ATP11B: variants seen among roughly 807,000 people sequenced by gnomAD.
ATP11B encodes the protein phospholipid-transporting ATPase IF.
ATP11B carries 81 observed loss-of-function variants against 157.8 expected under a neutral mutation model. The ratio of observed to expected loss-of-function variants is 0.51; its 90% CI spans 0.43 to 0.62. The LOEUF (loss-of-function observed/expected upper bound fraction) is 0.62, where lower values mean the gene tolerates loss of function less well. Ranked by LOEUF, ATP11B falls within the 20% of genes least tolerant of loss-of-function variation. The pLI is 0.00. For synonymous variants in ATP11B, 451 were observed against 469.4 expected, an observed-to-expected ratio of 0.96 and a Z score of 0.51; for missense variants, 1,165 against 1,402.2, an observed-to-expected ratio of 0.83 and a Z score of 2.70.
chr3:182,851,373 C>A (rs879204449), intron 10 of ATP11B, among the ~76,000 whole-genome samples: 1 of 151,980 alleles, frequency 6.6e-6, no homozygotes, highest in African/African-American at 2.4e-5. Flanking sequence ...TTTCTCTTTT[C>A]CATTGCCTTC....
intron 10 of ATP11B, among the ~76,000 whole-genome samples, chr3:182,852,592 A>T (rs566925294): frequency 2.6e-5 from 4 of 152,348 alleles, no homozygotes; most frequent in African/African-American, 9.6e-5. Context: ...GTTATTATTT[A>T]AAAATGTCTC....
rs190637329 is a variant in ATP11B, at chr3:182,915,297, C to T, written c.3452+1303C>T. 21 of 985,296 alleles carry T rather than the reference C, an allele frequency of 2.1e-5. No homozygotes were observed. In the East Asian group the frequency reaches 1.6e-3, roughly 75 times the overall value. The allele number at this position is 985,296 out of a possible 1,614,324, so 61.0% of individuals were successfully genotyped here. ...CCCGTTTATTCTGACTTGATTATAA[C>T]GTGATCTGAAATATTTCCATAATGC... On this transcript the variant is annotated intron_variant, in intron 29 of 29. Transcript: ENST00000323116.
At position 182,869,093 on chromosome 3, in the gene ATP11B, T is replaced by C; in HGVS notation, c.1704T>C (p.His568=). ...TTTTGTTTAGGTACAAACTGCTTCA[T>C]ATTCTGGAATTTGATTCAGATCGTA... ...LGKLERYKLL[H]ILEFDSDRRR... The change falls in exon 16 of 30, where the codon CAT becomes CAC. Residue 568 remains histidine (H), a synonymous_variant. Coordinates refer to ENST00000323116, the MANE Select transcript of ATP11B (RefSeq NM_014616.3). 6.2e-7 allele frequency: 1 copy of C among 1,610,020 alleles called. No homozygotes were observed. Among genetic ancestry groups the C allele is most frequent in the Non-Finnish European group, 8.5e-7 (1 of 1,178,028 alleles).
intron 9 of ATP11B, among the ~76,000 whole-genome samples, chr3:182,847,050 C>CTTTT (rs201462644): frequency 5.3e-5 from 7 of 132,716 alleles, no homozygotes; most frequent in South Asian, 2.4e-4. Flanking sequence ...TACTTTAAAA[C>CTTTT]TTTTTTTTTT....
At chr3:182,903,648 A>G (rs1454773231) in intron 28 of ATP11B, among the ~76,000 whole-genome samples, 3 of 152,196 alleles carry the variant, frequency 2.0e-5, no homozygotes, top group Non-Finnish European at 4.4e-5. Context: ...ACTAAATTTT[A>G]TATTTAAAAT....
chr3:182,884,161 T>A (rs1433325259), intron 21 of ATP11B, among the ~76,000 whole-genome samples: 1 of 152,094 alleles, frequency 6.6e-6, no homozygotes, highest in East Asian at 1.9e-4. Flanking sequence ...TTTTGAAACC[T>A]TAAGGATTAT....
chr3:182,856,452 C>T (rs1318237524), intron 10 of ATP11B, among the ~76,000 whole-genome samples: 1 of 152,064 alleles, frequency 6.6e-6, no homozygotes, highest in African/African-American at 2.4e-5. Context: ...TGGAAATAAA[C>T]CAGGCATTTT....
chr3:182,822,838 TG>T, intron 2 of ATP11B, among the ~76,000 whole-genome samples: 1 of 152,212 alleles, frequency 6.6e-6, no homozygotes, highest in Non-Finnish European at 1.5e-5. Context: ...TATCTCATTG[TG>T]GTTTTGATTT....
Position 182,836,160 on chromosome 3 carries a change from A to G in ATP11B, c.423+18A>G, listed in dbSNP as rs753126789. 15 of 1,600,278 alleles carry G rather than the reference A, an allele frequency of 9.4e-6. No homozygotes were observed. Among genetic ancestry groups the G allele is most frequent in the Non-Finnish European group, 1.3e-5 (15 of 1,169,344 alleles). ...ACATTCGGGTATGCATCTGGTAAATAATGGAAATCAACTTTATCTTGATAT... is the reference window on the plus strand; with the variant it reads ...ACATTCGGGTATGCATCTGGTAAATGATGGAAATCAACTTTATCTTGATAT... On this transcript the variant is annotated intron_variant, in intron 5 of 29. Transcript: ENST00000323116.
At chr3:182,821,044 G>A (rs1478263346) in intron 2 of ATP11B, among the ~76,000 whole-genome samples, 3 of 152,136 alleles carry the variant, frequency 2.0e-5, no homozygotes, top group African/African-American at 7.2e-5. Flanking sequence ...GAAGTCCTAG[G>A]AAATGGAATA....
intron 6 of ATP11B, 21 bp from the exon 7 acceptor site, chr3:182,837,050 A>AGTT: frequency 6.3e-7 from 1 of 1,580,964 alleles, no homozygotes; most frequent in Non-Finnish European, 8.7e-7. Context: ...AAAACTCTAC[A>AGTT]GTTTAATTCA....
intron 22 of ATP11B, among the ~76,000 whole-genome samples, chr3:182,885,607 T>G (rs1287451577): frequency 2.6e-5 from 4 of 152,166 alleles, no homozygotes; most frequent in African/African-American, 9.6e-5. Flanking sequence ...GTTGTAAAGA[T>G]ATAGCCCTAA....
rs187527433 is a variant in ATP11B at position 182,838,535 on chromosome 3, G to A, written c.656+1361G>A. Among the ~76,000 whole-genome samples, 47 of 152,062 alleles carry A rather than the reference G, an allele frequency of 3.1e-4. No homozygotes were observed. In the Middle Eastern group the frequency reaches 0.017, roughly 55 times the overall value. ...TAAATATAAGTAAAATGTAATCATT[G>A]CAACAGGCTTTTATAGTAGAAAGAA... On this transcript the variant is annotated intron_variant, in intron 7 of 29. Coordinates refer to ENST00000323116, the MANE Select transcript of ATP11B (RefSeq NM_014616.3).
chr3:182,888,248 C>A (rs934977336), intron 24 of ATP11B, among the ~76,000 whole-genome samples: 1 of 152,120 alleles, frequency 6.6e-6, no homozygotes, highest in East Asian at 1.9e-4. Flanking sequence ...TGAAGTACCA[C>A]TTATAGAGTC....
At chr3:182,842,006 G>A in intron 7 of ATP11B, 69 bp from the exon 8 acceptor site, 1 of 929,682 alleles carries the variant, frequency 1.1e-6, no homozygotes, top group South Asian at 1.5e-5. Flanking sequence ...AACAAAGGAT[G>A]GTGCAAAAAA....
chr3:182,887,557 T>C, intron 23 of ATP11B, 29 bp from the exon 24 acceptor site: 1 of 1,594,626 alleles, frequency 6.3e-7, no homozygotes, highest in Non-Finnish European at 8.5e-7. Context: ...ATTCAGAAAC[T>C]CAACATTCCT....
At chr3:182,911,806 A>G (rs1406137137) in intron 28 of ATP11B, among the ~76,000 whole-genome samples, 3 of 152,214 alleles carry the variant, frequency 2.0e-5, no homozygotes, top group Non-Finnish European at 4.4e-5. Context: ...ATTAAGTGAT[A>G]CAAATAAGCA....
intron 29 of ATP11B, chr3:182,916,523 A>G (rs893057341): frequency 2.8e-5 from 28 of 985,274 alleles, no homozygotes; most frequent in Non-Finnish European, 3.1e-5. Flanking sequence ...ATGGTGCTAT[A>G]TAAAGAATAT....
chr3:182,859,483 C>A, intron 12 of ATP11B, 124 bp downstream of exon 12: 1 of 727,252 alleles, frequency 1.4e-6, no homozygotes, highest in Non-Finnish European at 2.1e-6. Flanking sequence ...CTTTGCTCCA[C>A]TCCTAGCTGT....
Sources: allele counts gnomAD v4.1 joint callset (sites outside exome capture counted in the v4.1 genomes callset), GRCh38; gene constraint gnomAD v4.1.1; transcripts MANE v1.5; gene names NCBI Gene and HGNC (gene_info 2026-07-23, HGNC 2026-07-21).